The following ADAMTSL1 variants were observed in gnomAD, a reference collection of about 807,000 sequenced individuals.
ADAMTSL1 encodes ADAMTS like 1, also known as ADAMTS-like protein 1.
Under a neutral mutation model 201.8 loss-of-function variants are expected in ADAMTSL1, and 126 were observed. The observed-to-expected ratio is 0.62, with a 90% confidence interval of 0.54 to 0.72. ADAMTSL1 has a LOEUF of 0.72. Among genes scored for constraint, ADAMTSL1 ranks in the 30% least tolerant of loss-of-function variants. The pLI is 0.00. For missense variants in ADAMTSL1, 2,679 were observed against 2,277.8 expected (o/e 1.18, Z -3.59); for synonymous variants, 1,121 against 903.4 (o/e 1.24, Z -4.32).
intron 1 of ADAMTSL1, among the ~76,000 whole-genome samples, chr9:18,003,952 A>C (rs12683106): frequency 0.031 from 4,690 of 152,132 alleles, 197 homozygotes; most frequent in East Asian, 0.23. Context: ...TCAACTATTG[A>C]AGTTGGAAAA....
chr9:18,373,983 G>T (rs899020822), intron 2 of ADAMTSL1, among the ~76,000 whole-genome samples: 6 of 152,142 alleles, frequency 3.9e-5, no homozygotes, highest in Non-Finnish European at 8.8e-5. Context: ...ACTAGGAACT[G>T]GGCTAGGAAC....
chr9:18,535,083 A>T lies in ADAMTSL1; in HGVS notation c.237+1791A>T, dbSNP rs1452293948. On this transcript the variant is annotated intron_variant, in intron 3 of 28. Transcript: ENST00000380548. ...CAGGCTTGAATTTCTCCCAGAAAAA[A>T]ATTTTTTCTATTTCATCATCAGGCT... is the stretch of plus-strand genomic sequence containing the variant. Among the ~76,000 whole-genome samples the T allele has an allele frequency of 5.3e-5, 8 of 151,954 alleles. No individual in the cohort carries two copies. In the East Asian group the frequency reaches 5.8e-4, roughly 11 times the overall value.
At chr9:18,884,202 A>G (rs950687305) in intron 23 of ADAMTSL1, among the ~76,000 whole-genome samples, 1 of 152,144 alleles carries the variant, frequency 6.6e-6, no homozygotes, top group African/African-American at 2.4e-5. Context: ...TTGGCCATTC[A>G]TGTATCTCTT....
chr9:18,829,305 C>T (rs1306327787), intron 22 of ADAMTSL1, among the ~76,000 whole-genome samples: 1 of 152,132 alleles, frequency 6.6e-6, no homozygotes, highest in East Asian at 1.9e-4. Context: ...AAATCCAAAC[C>T]ACAAAGCAAA....
intron 4 of ADAMTSL1, among the ~76,000 whole-genome samples, chr9:18,590,414 T>C (rs1170091331): frequency 6.6e-6 from 1 of 152,088 alleles, no homozygotes; most frequent in Non-Finnish European, 1.5e-5. Context: ...TTTTTTTCTT[T>C]GTTAGCCTAA....
At chr9:18,337,833 C>A (rs1835306837) in intron 2 of ADAMTSL1, among the ~76,000 whole-genome samples, 1 of 152,224 alleles carries the variant, frequency 6.6e-6, no homozygotes, top group South Asian at 2.1e-4. Context: ...AGACACAATA[C>A]TGAAGAGTGG....
At chr9:18,859,511 A>G (rs568431219) in intron 23 of ADAMTSL1, among the ~76,000 whole-genome samples, 25 of 152,332 alleles carry the variant, frequency 1.6e-4, no homozygotes, top group African/African-American at 6.0e-4. Context: ...TAGGGTGTGG[A>G]TTTCTTTAGG....
chr9:18,381,894 T>C (rs1479032617), intron 2 of ADAMTSL1, among the ~76,000 whole-genome samples: 4 of 152,182 alleles, frequency 2.6e-5, no homozygotes, highest in Non-Finnish European at 5.9e-5. Flanking sequence ...CATCAATGTT[T>C]GCACCTTTAA....
chr9:18,141,976 GA>G (rs749983006), intron 1 of ADAMTSL1, among the ~76,000 whole-genome samples: 2 of 152,196 alleles, frequency 1.3e-5, no homozygotes, highest in Non-Finnish European at 2.9e-5. Flanking sequence ...CAGGTTCAGT[GA>G]AACTTTACAT....
At chr9:18,700,081 C>A (rs746812179) in intron 13 of ADAMTSL1, among the ~76,000 whole-genome samples, 4 of 152,120 alleles carry the variant, frequency 2.6e-5, no homozygotes, top group Non-Finnish European at 5.9e-5. Flanking sequence ...AAGTTAGATT[C>A]TCATTTATGT....
chr9:18,378,883 A>G (rs1245595935), intron 2 of ADAMTSL1, among the ~76,000 whole-genome samples: 1 of 152,196 alleles, frequency 6.6e-6, no homozygotes, highest in East Asian at 1.9e-4. Context: ...TAGGGAATAA[A>G]CATAATTGAT....
At chr9:18,892,705 TTC>T in intron 26 of ADAMTSL1, 109 bp downstream of exon 26, 1 of 1,289,188 alleles carries the variant, frequency 7.8e-7, no homozygotes, top group Non-Finnish European at 1.1e-6. Flanking sequence ...TCCTTTCACA[TTC>T]TGATTGGCCA....
chr9:18,370,368 A>G (rs1836988871), intron 2 of ADAMTSL1, among the ~76,000 whole-genome samples: 2 of 152,210 alleles, frequency 1.3e-5, no homozygotes, highest in South Asian at 2.1e-4. Flanking sequence ...ACTCTTCACT[A>G]TTTGAGTGAT....
intron 2 of ADAMTSL1, among the ~76,000 whole-genome samples, chr9:18,433,108 G>T (rs557738297): frequency 3.0e-4 from 45 of 152,166 alleles, no homozygotes; most frequent in African/African-American, 1.1e-3. Flanking sequence ...GAATGGGGAA[G>T]TATAAATCCT....
chr9:18,149,876 T>C (rs1317868798), intron 1 of ADAMTSL1, among the ~76,000 whole-genome samples: 3 of 151,978 alleles, frequency 2.0e-5, no homozygotes, highest in Non-Finnish European at 4.4e-5. Flanking sequence ...AGGGCTAGGA[T>C]ATAGCAATTA....
chr9:18,001,855 G>C lies in ADAMTSL1; in HGVS notation c.87+94933G>C, dbSNP rs375448880. Among the ~76,000 whole-genome samples, 133 of 152,086 alleles carry C rather than the reference G, an allele frequency of 8.7e-4. 1 individual carries two copies. Among genetic ancestry groups the C allele is most frequent in the African/African-American group, 3.0e-3 (124 of 41,534 alleles). ...TAGTTTTGGCAGATAGGAAGCCAGTGGTGAGCTGGTAAAGAGAAGTTTGAG... is the reference window on the plus strand; with the variant it reads ...TAGTTTTGGCAGATAGGAAGCCAGTCGTGAGCTGGTAAAGAGAAGTTTGAG... On this transcript the variant is annotated intron_variant, in intron 1 of 29. Coordinates refer to the ADAMTSL1 transcript ENST00000680146.
intron 2 of ADAMTSL1, among the ~76,000 whole-genome samples, chr9:18,528,913 A>G (rs1046618216): frequency 1.3e-5 from 2 of 152,118 alleles, no homozygotes; most frequent in African/African-American, 4.8e-5. Flanking sequence ...TCATCCCCAG[A>G]GGTAAATTTT....
intron 1 of ADAMTSL1, among the ~76,000 whole-genome samples, chr9:18,116,170 T>G (rs554700270): frequency 6.6e-6 from 1 of 152,102 alleles, no homozygotes; most frequent in Non-Finnish European, 1.5e-5. Flanking sequence ...TAAATAGAAA[T>G]AGTTTTCACT....
intron 2 of ADAMTSL1, among the ~76,000 whole-genome samples, chr9:18,380,640 C>G (rs1305505552): frequency 6.6e-6 from 1 of 152,166 alleles, no homozygotes; most frequent in East Asian, 1.9e-4. Flanking sequence ...AATGAAAAAT[C>G]TGGGAGGGAA....
Sources: gnomAD v4.1 joint callset for allele counts (sites outside exome capture counted in the v4.1 genomes callset) on GRCh38, gnomAD v4.1.1 for gene constraint, MANE v1.5 for transcripts, NCBI Gene and HGNC (gene_info 2026-07-23, HGNC 2026-07-21) for gene names.